Variants in CHRM4 observed in about 807,000 individuals in gnomAD.
The protein encoded by CHRM4 is cholinergic receptor muscarinic 4.
A neutral mutation model predicts 26.3 loss-of-function variants in CHRM4; 5 were observed. The ratio of observed to expected loss-of-function variants is 0.19; its 90% confidence interval spans 0.10 to 0.40. The LOEUF (loss-of-function observed/expected upper bound fraction) is 0.40, where lower values mean the gene tolerates loss of function less well. CHRM4 is among the 10% of genes least tolerant of loss of function. CHRM4 has a pLI of 1.00. For synonymous variants in CHRM4, 290 were observed against 285.3 expected (o/e 1.02, Z -0.16); for missense variants, 402 against 664.5 (o/e 0.60, Z 4.34).
chr11:46,386,369 C>A lies in CHRM4; in HGVS notation c.189G>T (p.Leu63=). 6.2e-7 allele frequency: 1 copy of A among 1,614,044 alleles called. No individual in the cohort carries two copies. The highest frequency in any genetic ancestry group is 8.5e-7 in the Non-Finnish European group (1 of 1,179,950). ...AGAGGAAGTAGTTGTTGACTGTCTG[C>A]AGCTGCCTGTTGACCTTGATGGACA... ...VMLSIKVNRQ[L]QTVNNYFLFS... is the part of the protein sequence containing the mutation. Residue 63 remains leucine (L), a synonymous_variant, in exon 2 of 2, where the codon CTG becomes CTT. Transcript: ENST00000682254. This position sits in a 1 kb window ranked among gnomAD's most constrained non-coding sequence, Gnocchi z 5.8.
At chr11:46,387,694 G>A (rs913278956) in intron 1 of CHRM4, among the ~76,000 whole-genome samples, 3 of 152,166 alleles carry the variant, frequency 2.0e-5, no homozygotes, top group Admixed American at 6.5e-5. Context: ...GACCAGAGGC[G>A]GTGCATGGAG....
intron 1 of CHRM4, among the ~76,000 whole-genome samples, chr11:46,389,795 C>T (rs1291810396): frequency 6.6e-6 from 1 of 152,242 alleles, no homozygotes; most frequent in Non-Finnish European, 1.5e-5. Context: ...AGCCCGGATT[C>T]CACCCGGCAC....
Position 46,385,735 on chromosome 11 carries a change from C to A in CHRM4, c.823G>T (p.Ala275Ser). 6.3e-7 allele frequency: 1 copy of A among 1,582,486 alleles called. No individual in the cohort carries two copies. Among genetic ancestry groups the A allele is most frequent in the Non-Finnish European group, 8.6e-7 (1 of 1,164,512 alleles). The stretch of plus-strand genomic sequence containing the variant: ...GGCGGTGGCAGCGCTGGCGGGGGGG[C>A]CTCCTCCAGCTTGCCATTGCGCAGC... Reference protein sequence around the residue: ...EELRNGKLEEAPPPALPPPPR... With the variant: ...EELRNGKLEESPPPALPPPPR... The change falls in exon 2 of 2, where the codon GCC (alanine) becomes TCC (serine). Residue 275 changes from alanine (A) to serine (S), a missense_variant. Ala to Ser is a moderately conservative substitution (Grantham distance 99). This residue lies in a region of CHRM4 where 205 missense variants were observed against 244.0 expected (regional missense o/e 0.84). Coordinates refer to ENST00000682254, the MANE Select transcript of CHRM4 (RefSeq NM_000741.5). This position sits in a 1 kb window ranked among gnomAD's most constrained non-coding sequence, Gnocchi z 6.3.
chr11:46,388,769 C>G (rs577415025), intron 1 of CHRM4, among the ~76,000 whole-genome samples: 177 of 152,214 alleles, frequency 1.2e-3, no homozygotes, highest in African/African-American at 3.5e-3. Context: ...CAATCACTCA[C>G]GTGGAGGAGG....
In CHRM4 at chr11:46,391,750, T is replaced by A. The variant is rs1478519494; in HGVS notation, c.-249A>T. On this transcript the variant is annotated 5_prime_UTR_variant, in exon 1 of 2. Coordinates refer to ENST00000682254, the MANE Select transcript of CHRM4 (RefSeq NM_000741.5). The surrounding 1 kb of genome is among the most constrained non-coding windows in gnomAD (Gnocchi z 6.3). ...CGGGGTGTCGAGGGGCGGCCCCTGC[T>A]CCGCCCGCAGCTCCCGGCGCTGTGG... 1.3e-5 allele frequency among the ~76,000 whole-genome samples: 2 copies of A among 149,728 alleles called. No homozygotes were observed.
rs775138452 is a variant in CHRM4 at position 46,383,795 on chromosome 11, C to T, written c.*1323G>A. 1 of 478,530 alleles carries T rather than the reference C, an allele frequency of 2.1e-6. No individual in the cohort carries two copies. Among genetic ancestry groups the T allele is most frequent in the South Asian group, 2.0e-5 (1 of 50,026 alleles). The allele number at this position is 478,530 out of a possible 1,614,324, so 29.6% of individuals were successfully genotyped here. A position where few individuals can be genotyped will look rare whatever the true frequency, so the allele number is the denominator to read the frequency against. ...ACACATCAAATAAACTGACTTTTTC[C>T]CCCCAATAAAAGCTCTTCTTTTTTA... On this transcript the variant is annotated 3_prime_UTR_variant, in exon 2 of 2. Coordinates refer to ENST00000682254, the MANE Select transcript of CHRM4 (RefSeq NM_000741.5).
chr11:46,386,553 G>T lies in CHRM4; in HGVS notation c.5C>A (p.Ala2Asp), dbSNP rs1407454081. M[A>D]NFTPVNGSSG... is the part of the protein sequence containing the mutation. ...GCTGCCATTGACAGGTGTGAAGTTGGCCATGTTGGTTGCCAGGGGTGGGTA... is the reference window on the plus strand; with the variant it reads ...GCTGCCATTGACAGGTGTGAAGTTGTCCATGTTGGTTGCCAGGGGTGGGTA... The change falls in exon 2 of 2, where the codon GCC becomes GAC. Residue 2 changes from alanine to aspartate, a missense_variant. Physicochemically the swap from Ala to Asp is moderately radical, Grantham distance 126 (BLOSUM62 -2). Coordinates refer to ENST00000682254, the MANE Select transcript of CHRM4 (RefSeq NM_000741.5). This position sits in a 1 kb window ranked among gnomAD's most constrained non-coding sequence, Gnocchi z 5.8. 1.2e-6 allele frequency: 2 copies of T among 1,607,892 alleles called. No individual in the cohort carries two copies. Among genetic ancestry groups the T allele is most frequent in the Admixed American group, 1.7e-5 (1 of 59,966 alleles).
chr11:46,390,477 C>T (rs1717131790), intron 1 of CHRM4, among the ~76,000 whole-genome samples: 1 of 152,270 alleles, frequency 6.6e-6, no homozygotes, highest in Non-Finnish European at 1.5e-5. Context: ...GGCGAGAGGG[C>T]ATCCGCAGTG....
chr11:46,389,999 G>T (rs964373439), intron 1 of CHRM4, among the ~76,000 whole-genome samples: 5 of 152,228 alleles, frequency 3.3e-5, no homozygotes, highest in African/African-American at 1.2e-4. Flanking sequence ...ATGCGTGTGC[G>T]TGCCTAGGGT....
intron 1 of CHRM4, among the ~76,000 whole-genome samples, chr11:46,388,246 G>A (rs942279215): frequency 1.3e-5 from 2 of 152,248 alleles, no homozygotes; most frequent in Admixed American, 1.3e-4. Flanking sequence ...GAGAGGGCGC[G>A]GCAGCCGGCT....
At chr11:46,388,025 C>T (rs1945358902) in intron 1 of CHRM4, among the ~76,000 whole-genome samples, 1 of 152,232 alleles carries the variant, frequency 6.6e-6, no homozygotes, top group African/African-American at 2.4e-5. Flanking sequence ...TCCCACCAGG[C>T]TCCTCTTAGC....
chr11:46,389,718 C>A (rs954501816), intron 1 of CHRM4, among the ~76,000 whole-genome samples: 1 of 152,208 alleles, frequency 6.6e-6, no homozygotes, highest in Non-Finnish European at 1.5e-5. Flanking sequence ...CTCGCCAGGC[C>A]CCGTCGGACG....
Position 46,391,669 on chromosome 11 carries a change from G to T in CHRM4, c.-168C>A, listed in dbSNP as rs1945394739. The stretch of plus-strand genomic sequence containing the variant: ...GCGCCAGACAGACGGCGGGACGGAC[G>T]CGCGGCCCCGCGGGCCGGCGGGGCG... On this transcript the variant is annotated 5_prime_UTR_variant, in exon 1 of 2. Transcript: ENST00000682254. The surrounding 1 kb of genome is among the most constrained non-coding windows in gnomAD (Gnocchi z 6.3). 6.7e-6 allele frequency among the ~76,000 whole-genome samples: 1 copy of T among 149,230 alleles called. No individual in the cohort carries two copies. Among genetic ancestry groups the T allele is most frequent in the Non-Finnish European group, 1.5e-5 (1 of 66,854 alleles).
chr11:46,389,882 C>G (rs953561245), intron 1 of CHRM4, among the ~76,000 whole-genome samples: 4 of 152,230 alleles, frequency 2.6e-5, no homozygotes, highest in Non-Finnish European at 2.9e-5. Flanking sequence ...CGAGTAGACG[C>G]TAGTAGCTGT....
chr11:46,389,258 C>T (rs1430102239), intron 1 of CHRM4, among the ~76,000 whole-genome samples: 1 of 152,228 alleles, frequency 6.6e-6, no homozygotes, highest in Admixed American at 6.5e-5. Flanking sequence ...TTCCTGCTGG[C>T]TTCTCGACTT....
rs1461385813 is a variant in CHRM4, at chr11:46,391,245, G to T, written c.-30+286C>A. On this transcript the variant is annotated intron_variant, in intron 1 of 1. Coordinates refer to ENST00000682254, the MANE Select transcript of CHRM4 (RefSeq NM_000741.5). The surrounding 1 kb of genome is among the most constrained non-coding windows in gnomAD (Gnocchi z 6.3). ...GACGGCGGGAAAAGGGCTCTTTGGGGCTTCAGCGCCCGGCGCCCTGCTGAG... is the reference window on the plus strand; with the variant it reads ...GACGGCGGGAAAAGGGCTCTTTGGGTCTTCAGCGCCCGGCGCCCTGCTGAG... Among the ~76,000 whole-genome samples the T allele has an allele frequency of 6.6e-6, 1 of 152,044 alleles. No individual in the cohort carries two copies. Among genetic ancestry groups the T allele is most frequent in the East Asian group, 1.9e-4 (1 of 5,134 alleles).
In CHRM4 at chr11:46,384,461, G is replaced by A. The variant is rs773725024; in HGVS notation, c.*657C>T. On this transcript the variant is annotated 3_prime_UTR_variant, in exon 2 of 2. Transcript: ENST00000682254. ...ACCACTCACGGCTCAGCCTGGGATC[G>A]CAGAAGGCCAGACCTCAGTTCCTGA... 2.0e-5 allele frequency among the ~76,000 whole-genome samples: 3 copies of A among 152,212 alleles called. No homozygotes were observed. The highest frequency in any genetic ancestry group is 2.1e-4 in the South Asian group (1 of 4,834).
At position 46,384,869 on chromosome 11, in the gene CHRM4, G is replaced by T. The variant is rs555986104; in HGVS notation, c.*249C>A. Among the ~76,000 whole-genome samples the T allele has an allele frequency of 1.3e-3, 203 of 152,338 alleles. 3 individuals carry two copies. The highest frequency in any genetic ancestry group is 2.3e-3 in the Non-Finnish European group (154 of 68,028). ...AGGTGCCCACCCAGGCCAGTGCCCC[G>T]CAGCTCGCTGAAGCAGGGCCACAGA... is the stretch of plus-strand genomic sequence containing the variant. On this transcript the variant is annotated 3_prime_UTR_variant, in exon 2 of 2. Coordinates refer to ENST00000682254, the MANE Select transcript of CHRM4 (RefSeq NM_000741.5).
chr11:46,385,324 T>A lies in CHRM4; in HGVS notation c.1234A>T (p.Thr412Ser). 1 of 1,613,504 alleles carries A rather than the reference T, an allele frequency of 6.2e-7. No individual in the cohort carries two copies. Residue 412 changes from threonine to serine, a missense_variant, in exon 2 of 2, where the codon ACC (threonine) becomes TCC (serine). By Grantham distance (58) the Thr-to-Ser change is moderately conservative. Coordinates refer to ENST00000682254, the MANE Select transcript of CHRM4 (RefSeq NM_000741.5). This position sits in a 1 kb window ranked among gnomAD's most constrained non-coding sequence, Gnocchi z 6.3. ...IFAILLAFIL[T>S]WTPYNVMVLV... is the part of the protein sequence containing the mutation. Reference sequence around the variant, plus strand: ...ACCATGACGTTGTAGGGCGTCCAGGTGAGGATGAAGGCTAGCAGAATGGCA... The same window carrying A: ...ACCATGACGTTGTAGGGCGTCCAGGAGAGGATGAAGGCTAGCAGAATGGCA...
Sources: gnomAD v4.1 joint callset for allele counts (sites outside exome capture counted in the v4.1 genomes callset) on GRCh38, gnomAD v4.1.1 for gene constraint, gnomAD v4.1.1 regional missense constraint, Gnocchi (gnomAD v3.1) non-coding constraint, MANE v1.5 for transcripts, NCBI Gene and HGNC (gene_info 2026-07-23, HGNC 2026-07-21) for gene names.